Variants in TRIR observed in about 807,000 individuals in gnomAD.
TRIR encodes the protein telomerase RNA component-interacting RNase.
In TRIR, 5 loss-of-function variants were observed where a neutral mutation model predicts 18.2. That is an observed-to-expected ratio of 0.27 (90% CI 0.14 to 0.58). TRIR has a LOEUF of 0.58. Among genes scored for constraint, TRIR ranks in the 20% least tolerant of loss-of-function variants. The probability of loss-of-function intolerance (pLI) is 0.91; values close to 1 mark genes in which losing one functional copy is unlikely to be tolerated. For synonymous variants in TRIR, 134 were observed against 114.4 expected (o/e 1.17, Z -1.10); for missense variants, 206 against 252.8 (o/e 0.81, Z 1.25).
At position 12,733,194 on chromosome 19, in the gene TRIR, C is replaced by T. The variant is rs565772814; in HGVS notation, c.345+1119G>A. Among the ~76,000 whole-genome samples the T allele has an allele frequency of 3.9e-5, 6 of 152,272 alleles. No individual in the cohort carries two copies. The East Asian group carries it at 9.6e-4, about 24-fold the overall frequency. ...AAAATGTTGGAATTACAGGTGTGAG[C>T]CACTGCACCCAACCCACGCCCATTT... is the stretch of plus-strand genomic sequence containing the variant. On this transcript the variant is annotated intron_variant, in intron 1 of 2. Transcript: ENST00000242784.
chr19:12,734,240 C>T lies in TRIR; in HGVS notation c.345+73G>A, dbSNP rs1967488589. 4 of 1,317,404 alleles carry T rather than the reference C, an allele frequency of 3.0e-6. No homozygotes were observed. In the African/African-American group the frequency reaches 6.3e-5, roughly 21 times the overall value. The allele number at this position is 1,317,404 out of a possible 1,614,324, so 81.6% of individuals were successfully genotyped here. A position where few individuals can be genotyped will look rare whatever the true frequency, so the allele number is the denominator to read the frequency against. On this transcript the variant is annotated intron_variant, in intron 1 of 2. Coordinates refer to ENST00000242784, the MANE Select transcript of TRIR (RefSeq NM_024038.4). This position sits in a 1 kb window ranked among gnomAD's most constrained non-coding sequence, Gnocchi z 4.1. ...ACGGAAAGTGGACTTCGGTCCCGAT[C>T]CCCCTTCACGGGCCCCGACTCCCGC...
chr19:12,732,426 T>C (rs982521463), intron 1 of TRIR, among the ~76,000 whole-genome samples: 6 of 152,084 alleles, frequency 3.9e-5, no homozygotes, highest in African/African-American at 1.2e-4. Flanking sequence ...ACACCAACCC[T>C]GGTCCTGACG....
rs779404165 is a variant in TRIR, at chr19:12,734,673, C to G, written c.-16G>C. The stretch of plus-strand genomic sequence containing the variant: ...GGGCAGCCATTTTGTCGCCAGGTGC[C>G]GCGCAAAGGACTCCGGGAAGGCCGC... On this transcript the variant is annotated 5_prime_UTR_variant, in exon 1 of 3. Transcript: ENST00000242784. This position sits in a 1 kb window ranked among gnomAD's most constrained non-coding sequence, Gnocchi z 4.1. 1.3e-5 allele frequency: 20 copies of G among 1,490,172 alleles called. No homozygotes were observed. In the Admixed American group the frequency reaches 4.3e-4, roughly 32 times the overall value. 92.3% of individuals were successfully genotyped at this position (1,490,172 alleles called of 1,614,324 possible). A position where few individuals can be genotyped will look rare whatever the true frequency, so the allele number is the denominator to read the frequency against.
chr19:12,731,701 C>A lies in TRIR; in HGVS notation c.346-280G>T, dbSNP rs1419660031. 4.2e-6 allele frequency: 2 copies of A among 477,942 alleles called. No homozygotes were observed. The highest frequency in any genetic ancestry group is 7.5e-6 in the Non-Finnish European group (2 of 268,340). 29.6% of individuals were successfully genotyped at this position (477,942 alleles called of 1,614,324 possible). A position where few individuals can be genotyped will look rare whatever the true frequency, so the allele number is the denominator to read the frequency against. ...CACGCCAAGGCCTCACCCTCCCTAG[C>A]AGGGACCACAAGAGGTGGCAACAGC... On this transcript the variant is annotated intron_variant, in intron 1 of 2. Transcript: ENST00000242784. The surrounding 1 kb of genome is among the most constrained non-coding windows in gnomAD (Gnocchi z 5.1).
chr19:12,732,791 C>T (rs1967459898), intron 1 of TRIR, among the ~76,000 whole-genome samples: 1 of 152,036 alleles, frequency 6.6e-6, no homozygotes, highest in Non-Finnish European at 1.5e-5. Flanking sequence ...GGTTTCACCA[C>T]GTTGGCCAGG....
In TRIR at chr19:12,734,582, TC is replaced by T; in HGVS notation, c.75del (p.Ser26AlafsTer31). The T allele has an allele frequency of 6.6e-7, 1 of 1,522,048 alleles. No individual in the cohort carries two copies. 94.3% of individuals were successfully genotyped at this position (1,522,048 alleles called of 1,614,324 possible). A position where few individuals can be genotyped will look rare whatever the true frequency, so the allele number is the denominator to read the frequency against. ...CCCGATCCCGACTCAGCCCAACGGC[TC>T]CCGCCACCGCCACCGCCCGCGGGGC... ...APGPAGGGGGGSRWAESGSGT... is the reference protein window; with the variant it reads ...APGPAGGGGGXSRWAESGSGT... On this transcript the variant is annotated frameshift_variant, in exon 1 of 3. Coordinates refer to ENST00000242784, the MANE Select transcript of TRIR (RefSeq NM_024038.4). LOFTEE classifies it high-confidence loss of function. The surrounding 1 kb of genome is among the most constrained non-coding windows in gnomAD (Gnocchi z 4.1).
In TRIR at chr19:12,731,245, A is replaced by G; in HGVS notation, c.423+99T>C. 6.8e-7 allele frequency: 1 copy of G among 1,465,094 alleles called. No individual in the cohort carries two copies. The allele number at this position is 1,465,094 out of a possible 1,614,324, so 90.8% of individuals were successfully genotyped here. ...CCCTCCTACCCTGCCAGGCACACTC[A>G]TAAAAGGCCTGGATACCAGACAGGG... On this transcript the variant is annotated intron_variant, in intron 2 of 2. Coordinates refer to ENST00000242784, the MANE Select transcript of TRIR (RefSeq NM_024038.4). This position sits in a 1 kb window ranked among gnomAD's most constrained non-coding sequence, Gnocchi z 5.1.
chr19:12,732,124 C>CAAAAAAAAAAAAA (rs34115155), intron 1 of TRIR, among the ~76,000 whole-genome samples: 3 of 79,800 alleles, frequency 3.8e-5, no homozygotes, highest in Admixed American at 1.5e-4. Flanking sequence ...GACTCTGTCT[C>CAAAAAAAAAAAAA]AAAAAAAAAA....
chr19:12,731,429 A>C lies in TRIR; in HGVS notation c.346-8T>G. On this transcript the variant is annotated splice_polypyrimidine_tract_variant and splice_region_variant and intron_variant, in intron 1 of 2. Coordinates refer to ENST00000242784, the MANE Select transcript of TRIR (RefSeq NM_024038.4). This position sits in a 1 kb window ranked among gnomAD's most constrained non-coding sequence, Gnocchi z 5.1. The stretch of plus-strand genomic sequence containing the variant: ...GCCTCTGCGTTTGCCCACCTGGGTG[A>C]AGGGACAGAAGACTGCAACGGTTAC... 1 of 1,611,410 alleles carries C rather than the reference A, an allele frequency of 6.2e-7. No individual in the cohort carries two copies.
rs371351729 is a variant in TRIR, at chr19:12,731,480, G to A, written c.346-59C>T. The A allele has an allele frequency of 9.7e-6, 15 of 1,541,204 alleles. No homozygotes were observed. Among genetic ancestry groups the A allele is most frequent in the Admixed American group, 5.4e-5 (3 of 55,102 alleles). On this transcript the variant is annotated intron_variant, in intron 1 of 2. Coordinates refer to ENST00000242784, the MANE Select transcript of TRIR (RefSeq NM_024038.4). This position sits in a 1 kb window ranked among gnomAD's most constrained non-coding sequence, Gnocchi z 5.1. ...AGGAGCCGGGACCGCCCTTGGCGGC[G>A]CTGAGGCCCACTACACCTTCCTAGC...
chr19:12,734,387 G>A lies in TRIR; in HGVS notation c.271C>T (p.Pro91Ser). The change falls in exon 1 of 3, where the codon CCC becomes TCC. Residue 91 changes from proline to serine, a missense_variant. Pro to Ser is a moderately conservative substitution (Grantham distance 74). Transcript: ENST00000242784. The surrounding 1 kb of genome is among the most constrained non-coding windows in gnomAD (Gnocchi z 4.1). ...CCAGCGGCGGCGGCCGACTGGTCGG[G>A]TCGCTGCGGACCCGGGGGCGGCTCC... Reference protein sequence around the residue: ...QEEPPPGPQRPDQSAAAAGPG... With the variant: ...QEEPPPGPQRSDQSAAAAGPG... 8 of 1,502,732 alleles carry A rather than the reference G, an allele frequency of 5.3e-6. No individual in the cohort carries two copies. Among genetic ancestry groups the A allele is most frequent in the Non-Finnish European group, 7.1e-6 (8 of 1,126,872 alleles). The allele number at this position is 1,502,732 out of a possible 1,614,324, so 93.1% of individuals were successfully genotyped here. A position where few individuals can be genotyped will look rare whatever the true frequency, so the allele number is the denominator to read the frequency against.
At chr19:12,732,921 T>A (rs951456481) in intron 1 of TRIR, among the ~76,000 whole-genome samples, 5 of 151,962 alleles carry the variant, frequency 3.3e-5, no homozygotes, top group African/African-American at 1.2e-4. Flanking sequence ...ATTTTTTTTT[T>A]AAGATACTCT....
Position 12,730,886 on chromosome 19 carries a change from T to TCGCCGCTGC in TRIR, c.*66_*74dup. 2 of 1,373,162 alleles carry TCGCCGCTGC rather than the reference T, an allele frequency of 1.5e-6. No individual in the cohort carries two copies. Among genetic ancestry groups the TCGCCGCTGC allele is most frequent in the Non-Finnish European group, 2.1e-6 (2 of 964,256 alleles). 85.1% of individuals were successfully genotyped at this position (1,373,162 alleles called of 1,614,324 possible). ...TTTTAAGTCCTCTCAGGGAAGGCTGTCGCCGCTGCCGCTGCATTAAATAGT... is the reference window on the plus strand; with the variant it reads ...TTTTAAGTCCTCTCAGGGAAGGCTGTCGCCGCTGCCGCCGCTGCCGCTGCATTAAATAGT... On this transcript the variant is annotated 3_prime_UTR_variant, in exon 3 of 3. Coordinates refer to ENST00000242784, the MANE Select transcript of TRIR (RefSeq NM_024038.4).
Position 12,731,893 on chromosome 19 carries a change from C to T in TRIR, c.346-472G>A, listed in dbSNP as rs1039889987. On this transcript the variant is annotated intron_variant, in intron 1 of 2. Transcript: ENST00000242784. The surrounding 1 kb of genome is among the most constrained non-coding windows in gnomAD (Gnocchi z 5.1). ...ATCCCAGCACTTTGGGAGGTAGAAT[C>T]GGGTAGATCACCTGAAGTCAGGAGT... The T allele has an allele frequency of 1.3e-5, 2 of 155,970 alleles. No homozygotes were observed. The highest frequency in any genetic ancestry group is 2.4e-5 in the African/African-American group (1 of 41,370). The allele number at this position is 155,970 out of a possible 1,614,324, so 9.7% of individuals were successfully genotyped here.
At chr19:12,733,957 C>T (rs1309479356) in intron 1 of TRIR, among the ~76,000 whole-genome samples, 5 of 152,242 alleles carry the variant, frequency 3.3e-5, no homozygotes, top group African/African-American at 4.8e-5. Context: ...ACATATAGCT[C>T]AGAGTCCAGA....
Position 12,730,794 on chromosome 19 carries a change from C to T in TRIR, c.*167G>A, listed in dbSNP as rs751132965. ...TCTATGAAGTCTCACGAGGCAAGTG[C>T]TCAAGGTAAAAAAAGAGTCCTGGAG... On this transcript the variant is annotated 3_prime_UTR_variant, in exon 3 of 3. Transcript: ENST00000242784. 41 of 639,718 alleles carry T rather than the reference C, an allele frequency of 6.4e-5. No homozygotes were observed. The highest frequency in any genetic ancestry group is 4.2e-4 in the Middle Eastern group (1 of 2,388). 39.6% of individuals were successfully genotyped at this position (639,718 alleles called of 1,614,324 possible).
rs1447234584 is a variant in TRIR at position 12,731,705 on chromosome 19, GACC to G, written c.346-287_346-285del. 6.5e-6 allele frequency: 3 copies of G among 462,608 alleles called. No homozygotes were observed. The Admixed American group carries it at 1.2e-4, about 18-fold the overall frequency. 28.7% of individuals were successfully genotyped at this position (462,608 alleles called of 1,614,324 possible). On this transcript the variant is annotated intron_variant, in intron 1 of 2. Transcript: ENST00000242784. This position sits in a 1 kb window ranked among gnomAD's most constrained non-coding sequence, Gnocchi z 5.1. ...CCAAGGCCTCACCCTCCCTAGCAGGGACCACAAGAGGTGGCAACAGCTCCCTTT... is the reference window on the plus strand; with the variant it reads ...CCAAGGCCTCACCCTCCCTAGCAGGGACAAGAGGTGGCAACAGCTCCCTTT...
intron 1 of TRIR, among the ~76,000 whole-genome samples, chr19:12,732,672 C>T (rs1162514384): frequency 6.6e-6 from 1 of 151,960 alleles, no homozygotes; most frequent in East Asian, 1.9e-4. Context: ...TCACTGCAAC[C>T]TCCACCTCCC....
rs1250762093 is a variant in TRIR, at chr19:12,734,547, G to A, written c.111C>T (p.Pro37=). 8 of 1,532,542 alleles carry A rather than the reference G, an allele frequency of 5.2e-6. No individual in the cohort carries two copies. Among genetic ancestry groups the A allele is most frequent in the Non-Finnish European group, 5.2e-6 (6 of 1,143,510 alleles). 94.9% of individuals were successfully genotyped at this position (1,532,542 alleles called of 1,614,324 possible). Residue 37 remains proline (P), a synonymous_variant, in exon 1 of 3, where the codon CCC becomes CCT. Transcript: ENST00000242784. This position sits in a 1 kb window ranked among gnomAD's most constrained non-coding sequence, Gnocchi z 4.1. ...RWAESGSGTS[P]ESGDEEVSGA... is the part of the protein sequence containing the mutation. Reference sequence around the variant, plus strand: ...CCGACACCTCCTCGTCCCCGCTCTCGGGCGACGTCCCCGATCCCGACTCAG... The same window carrying A: ...CCGACACCTCCTCGTCCCCGCTCTCAGGCGACGTCCCCGATCCCGACTCAG...
Sources: gnomAD v4.1 joint callset for allele counts (sites outside exome capture counted in the v4.1 genomes callset) on GRCh38, gnomAD v4.1.1 for gene constraint, Gnocchi (gnomAD v3.1) non-coding constraint, MANE v1.5 for transcripts, NCBI Gene and HGNC (gene_info 2026-07-23, HGNC 2026-07-21) for gene names.